EEFSEC: variants seen among roughly 807,000 people sequenced by gnomAD.
EEFSEC encodes eukaryotic elongation factor, selenocysteine-tRNA specific.
In EEFSEC, 43 loss-of-function variants were observed where a neutral mutation model predicts 42.1. That is an observed-to-expected ratio of 1.02 (90% CI 0.80 to 1.32). The LOEUF (loss-of-function observed/expected upper bound fraction) is 1.32, where lower values mean the gene tolerates loss of function less well. Among genes scored for constraint, EEFSEC ranks in the 40% most tolerant of loss-of-function variants. EEFSEC has a pLI of 0.00. For synonymous variants in EEFSEC, 354 were observed against 339.1 expected, an observed-to-expected ratio of 1.04 and a Z score of -0.48; for missense variants, 745 against 803.6, an observed-to-expected ratio of 0.93 and a Z score of 0.88.
At chr3:128,322,656 T>C (rs937234868) in intron 4 of EEFSEC, among the ~76,000 whole-genome samples, 3 of 152,112 alleles carry the variant, frequency 2.0e-5, no homozygotes, top group African/African-American at 7.2e-5. Flanking sequence ...GACATGAGAG[T>C]AGCGGCTGAG....
At chr3:128,298,819 A>G (rs921376140) in intron 4 of EEFSEC, among the ~76,000 whole-genome samples, 9 of 152,168 alleles carry the variant, frequency 5.9e-5, no homozygotes, top group Admixed American at 5.2e-4. Flanking sequence ...AACATATGGT[A>G]TTTGTCTTCT....
intron 4 of EEFSEC, among the ~76,000 whole-genome samples, chr3:128,307,365 G>A (rs2066839815): frequency 6.6e-6 from 1 of 152,186 alleles, no homozygotes; most frequent in Non-Finnish European, 1.5e-5. Flanking sequence ...GTTGGGGGTG[G>A]AGATTAGCAG....
chr3:128,179,706 C>T (rs2065385918), intron 1 of EEFSEC, among the ~76,000 whole-genome samples: 2 of 152,192 alleles, frequency 1.3e-5, no homozygotes. Flanking sequence ...CATTTAAAAG[C>T]GATCGGTACT....
intron 6 of EEFSEC, among the ~76,000 whole-genome samples, chr3:128,378,087 G>T (rs1164367017): frequency 6.6e-6 from 1 of 152,172 alleles, no homozygotes; most frequent in Non-Finnish European, 1.5e-5. Context: ...TCCCACTTCA[G>T]CCTCCTACAC....
chr3:128,279,642 G>C (rs1256553582), intron 4 of EEFSEC, among the ~76,000 whole-genome samples: 1 of 152,038 alleles, frequency 6.6e-6, no homozygotes, highest in African/African-American at 2.4e-5. Context: ...GGGTCAGAGG[G>C]GAGACGAGAC....
chr3:128,398,885 C>T (rs779029725), intron 6 of EEFSEC, among the ~76,000 whole-genome samples: 6 of 152,046 alleles, frequency 3.9e-5, no homozygotes, highest in Non-Finnish European at 5.9e-5. Flanking sequence ...GCTGAGACTC[C>T]GCTGATGAGG....
chr3:128,381,154 C>T (rs948257041), intron 6 of EEFSEC, among the ~76,000 whole-genome samples: 15 of 152,124 alleles, frequency 9.9e-5, no homozygotes, highest in Non-Finnish European at 2.1e-4. Flanking sequence ...CTGGCTTGCT[C>T]CATGTGATTT....
chr3:128,317,270 C>T lies in EEFSEC; in HGVS notation c.787-23963C>T, dbSNP rs551697347. 2.0e-5 allele frequency among the ~76,000 whole-genome samples: 3 copies of T among 152,266 alleles called. No individual in the cohort carries two copies. The highest frequency in any genetic ancestry group is 2.1e-4 in the South Asian group (1 of 4,828). On this transcript the variant is annotated intron_variant, in intron 4 of 6. Transcript: ENST00000254730. This position sits in a 1 kb window ranked among gnomAD's most constrained non-coding sequence, Gnocchi z 4.1. ...TGTCTGCTGCCAGGCCAGGAGAACC[C>T]GTGGGTTTTCTTCCTTCATACACAC...
intron 1 of EEFSEC, among the ~76,000 whole-genome samples, chr3:128,196,985 C>G (rs1293337738): frequency 6.6e-6 from 1 of 152,196 alleles, no homozygotes; most frequent in Non-Finnish European, 1.5e-5. Flanking sequence ...CAGCTCTGGC[C>G]TCGTTTTTTA....
intron 4 of EEFSEC, among the ~76,000 whole-genome samples, chr3:128,279,872 G>A (rs149519243): frequency 6.6e-6 from 1 of 152,222 alleles, no homozygotes; most frequent in South Asian, 2.1e-4. Flanking sequence ...CATGGCACGG[G>A]TGTTTACCAC....
intron 6 of EEFSEC, among the ~76,000 whole-genome samples, chr3:128,399,801 C>T (rs2068027877): frequency 1.3e-5 from 2 of 151,888 alleles, no homozygotes; most frequent in African/African-American, 4.8e-5. Flanking sequence ...CCTCCTGGGC[C>T]TCTCTGTCCC....
intron 6 of EEFSEC, among the ~76,000 whole-genome samples, chr3:128,397,045 G>A (rs2067989223): frequency 6.6e-6 from 1 of 152,162 alleles, no homozygotes; most frequent in African/African-American, 2.4e-5. Flanking sequence ...AGGCACCCTG[G>A]GCCTCTGCCC....
chr3:128,154,024 C>T (rs1944315102), intron 1 of EEFSEC: 2 of 658,108 alleles, frequency 3.0e-6, no homozygotes. Flanking sequence ...CAGCTTTTCC[C>T]ATCCAGCAGA....
rs897595869 is a variant in EEFSEC, at chr3:128,166,252, A to G, written c.316+12429A>G. Among the ~76,000 whole-genome samples the G allele has an allele frequency of 7.9e-5, 12 of 152,154 alleles. 1 individual carries two copies. The highest frequency in any genetic ancestry group is 5.9e-4 in the Admixed American group (9 of 15,280). ...CCCAGCCCTTGCAGAGAGGGCTGAC[A>G]GACACTTTGGCTGGAAAAAACAGTG... is the stretch of plus-strand genomic sequence containing the variant. On this transcript the variant is annotated intron_variant, in intron 1 of 6. Transcript: ENST00000254730.
chr3:128,209,948 C>G (rs543431372), intron 1 of EEFSEC, among the ~76,000 whole-genome samples: 1 of 152,224 alleles, frequency 6.6e-6, no homozygotes, highest in Non-Finnish European at 1.5e-5. Context: ...ATATCTCCCA[C>G]TTTGGGAAAC....
intron 1 of EEFSEC, among the ~76,000 whole-genome samples, chr3:128,230,701 G>A (rs185978871): frequency 6.6e-6 from 1 of 152,286 alleles, no homozygotes; most frequent in Admixed American, 6.5e-5. Context: ...GAGAGACTGA[G>A]GCTCAAATAG....
chr3:128,218,082 G>A (rs2107842481), intron 1 of EEFSEC, among the ~76,000 whole-genome samples: 1 of 152,206 alleles, frequency 6.6e-6, no homozygotes, highest in South Asian at 2.1e-4. Flanking sequence ...TTCTTTTCTT[G>A]GTTTTTCAAG....
At chr3:128,254,721 C>T (rs886663987) in intron 2 of EEFSEC, among the ~76,000 whole-genome samples, 1 of 152,090 alleles carries the variant, frequency 6.6e-6, no homozygotes, top group Non-Finnish European at 1.5e-5. Flanking sequence ...CCCAGAGGGC[C>T]TTGTGTACCA....
intron 4 of EEFSEC, among the ~76,000 whole-genome samples, chr3:128,325,680 T>C (rs1199070360): frequency 6.6e-6 from 1 of 152,220 alleles, no homozygotes; most frequent in African/African-American, 2.4e-5. Flanking sequence ...ACTTTAGACA[T>C]TTTTGTGGAG....
Sources: allele counts gnomAD v4.1 joint callset (sites outside exome capture counted in the v4.1 genomes callset), GRCh38; gene constraint gnomAD v4.1.1; non-coding constraint Gnocchi (gnomAD v3.1); transcripts MANE v1.5; gene names NCBI Gene and HGNC (gene_info 2026-07-23, HGNC 2026-07-21).